Variants in HSH2D observed in about 807,000 individuals in gnomAD.
The protein encoded by HSH2D is hematopoietic SH2 domain containing.
In HSH2D, 16 loss-of-function variants were observed where a neutral mutation model predicts 21.5. The observed-to-expected ratio is 0.74, with a 90% CI of 0.50 to 1.13. The LOEUF (loss-of-function observed/expected upper bound fraction) is 1.13, where lower values mean the gene tolerates loss of function less well. Among genes scored for constraint, HSH2D ranks in the 50% most tolerant of loss-of-function variants. HSH2D has a pLI of 0.00. For synonymous variants in HSH2D, 172 were observed against 184.7 expected, an observed-to-expected ratio of 0.93 and a Z score of 0.56; for missense variants, 418 against 441.4, an observed-to-expected ratio of 0.95 and a Z score of 0.47.
chr19:16,153,347 T>C (rs2091190436), intron 4 of HSH2D, 139 bp downstream of exon 4: 1 of 806,522 alleles, frequency 1.2e-6, no homozygotes. Context: ...CCCACCCCAG[T>C]AGTCCCTCTG....
intron 5 of HSH2D, 94 bp downstream of exon 5, chr19:16,154,585 G>T (rs1434111875): frequency 7.2e-6 from 5 of 689,798 alleles, no homozygotes; most frequent in Non-Finnish European, 1.2e-5. Context: ...CTTCTAGAAT[G>T]AGAATGCGAT....
At chr19:16,143,187 C>T (rs2091017738), upstream of HSH2D, among the ~76,000 whole-genome samples, 1 of 152,110 alleles carries the variant, frequency 6.6e-6, no homozygotes, top group Non-Finnish European at 1.5e-5. Context: ...CGGGTTCAAG[C>T]AATTCTTGTG....
At chr19:16,144,315 CA>C (rs999006456) in intron 1 of HSH2D, among the ~76,000 whole-genome samples, 16 of 151,518 alleles carry the variant, frequency 1.1e-4, no homozygotes, top group African/African-American at 3.6e-4. Flanking sequence ...GAGAGAGGAA[CA>C]GGGGGGAACG....
chr19:16,144,982 G>A (rs896096224), intron 1 of HSH2D, among the ~76,000 whole-genome samples: 5 of 150,070 alleles, frequency 3.3e-5, no homozygotes, highest in Non-Finnish European at 1.5e-5. Context: ...ATGAGCCACC[G>A]CACCTGTCCC....
chr19:16,154,021 C>T (rs994303426), intron 4 of HSH2D, among the ~76,000 whole-genome samples: 7 of 148,420 alleles, frequency 4.7e-5, no homozygotes, highest in Admixed American at 4.7e-4. Context: ...CCTTAGAAGG[C>T]TCAGTGGGTG....
Position 16,148,713 on chromosome 19 carries a change from T to C in HSH2D, c.-27-11T>C, listed in dbSNP as rs2091104594. 3.7e-6 allele frequency: 6 copies of C among 1,613,320 alleles called. No individual in the cohort carries two copies. The highest frequency in any genetic ancestry group is 5.1e-6 in the Non-Finnish European group (6 of 1,179,558). On this transcript the variant is annotated splice_polypyrimidine_tract_variant and intron_variant, in intron 1 of 5. Coordinates refer to ENST00000613986, the MANE Select transcript of HSH2D (RefSeq NM_001382417.1). ...AGCTTGATTCTTGTCTTCCCTCCCT[T>C]CTCTACCCAGGTGACCTTCCCTCCA...
intron 1 of HSH2D, among the ~76,000 whole-genome samples, chr19:16,134,503 ATTCT>A (rs1163863699): frequency 6.6e-6 from 1 of 152,174 alleles, no homozygotes; most frequent in African/African-American, 2.4e-5. Context: ...AGATCTATTC[ATTCT>A]TTTCTGCACA....
At chr19:16,147,622 C>T (rs573525118) in intron 1 of HSH2D, among the ~76,000 whole-genome samples, 1 of 151,366 alleles carries the variant, frequency 6.6e-6, no homozygotes, top group Non-Finnish European at 1.5e-5. Context: ...AAATCACAAG[C>T]CAGTGGTTTT....
intron 1 of HSH2D, among the ~76,000 whole-genome samples, chr19:16,134,625 C>T (rs547490131): frequency 1.3e-5 from 2 of 152,212 alleles, no homozygotes; most frequent in South Asian, 2.1e-4. Flanking sequence ...TCATCGGCAC[C>T]GTAAGCATAA....
intron 3 of HSH2D, 48 bp from the exon 4 acceptor site, chr19:16,152,995 A>G: frequency 6.3e-7 from 1 of 1,582,342 alleles, no homozygotes; most frequent in Non-Finnish European, 8.6e-7. Flanking sequence ...GACTTGGGGC[A>G]GGGATGAGGG....
chr19:16,157,865 T>A lies in HSH2D; in HGVS notation c.*71T>A. 1 of 1,145,458 alleles carries A rather than the reference T, an allele frequency of 8.7e-7. No individual in the cohort carries two copies. The highest frequency in any genetic ancestry group is 1.2e-6 in the Non-Finnish European group (1 of 826,934). 71.0% of individuals were successfully genotyped at this position (1,145,458 alleles called of 1,614,324 possible). The stretch of plus-strand genomic sequence containing the variant: ...ACACTCCTGAATGCCTTAACATTTC[T>A]TCCATGGCCCCACACCATGGCATCC... On this transcript the variant is annotated 3_prime_UTR_variant, in exon 6 of 6. Coordinates refer to ENST00000613986, the MANE Select transcript of HSH2D (RefSeq NM_001382417.1). This position sits in a 1 kb window ranked among gnomAD's most constrained non-coding sequence, Gnocchi z 4.4.
chr19:16,142,382 G>A (rs1488065390), upstream of HSH2D, among the ~76,000 whole-genome samples: 1 of 152,192 alleles, frequency 6.6e-6, no homozygotes, highest in African/African-American at 2.4e-5. Context: ...TGCAACTGCT[G>A]TTCCCACTTC....
chr19:16,135,634 C>T (rs1292584390), intron 1 of HSH2D, among the ~76,000 whole-genome samples: 2 of 152,146 alleles, frequency 1.3e-5, no homozygotes, highest in Non-Finnish European at 2.9e-5. Context: ...GAGAAGGCCC[C>T]AGGGCCTTTG....
intron 1 of HSH2D, among the ~76,000 whole-genome samples, chr19:16,134,656 C>G (rs2090948352): frequency 6.6e-6 from 1 of 152,196 alleles, no homozygotes; most frequent in African/African-American, 2.4e-5. Flanking sequence ...ACCCTGGACT[C>G]CATCCCTGCC....
chr19:16,154,537 CA>C (rs2091213659), intron 5 of HSH2D, 46 bp downstream of exon 5: 1 of 1,271,810 alleles, frequency 7.9e-7, no homozygotes, highest in South Asian at 1.3e-5. Flanking sequence ...GGCTGAGGGG[CA>C]GGAGTGGAGG....
chr19:16,141,700 G>A (rs992336550), upstream of HSH2D, among the ~76,000 whole-genome samples: 1 of 152,108 alleles, frequency 6.6e-6, no homozygotes, highest in African/African-American at 2.4e-5. Flanking sequence ...GAGGCGGGTG[G>A]ATCACCTGAG....
intron 1 of HSH2D, among the ~76,000 whole-genome samples, chr19:16,134,645 G>C (rs900633642): frequency 2.6e-5 from 4 of 152,032 alleles, no homozygotes; most frequent in African/African-American, 9.7e-5. Flanking sequence ...ACACAGCCCT[G>C]ACCCTGGACT....
chr19:16,147,634 T>TGTTTTG (rs1555717037), intron 1 of HSH2D, among the ~76,000 whole-genome samples: 21 of 150,304 alleles, frequency 1.4e-4, no homozygotes, highest in African/African-American at 4.7e-4. Flanking sequence ...AGTGGTTTTT[T>TGTTTTG]TTTTGTTTTG....
At chr19:16,151,531 A>T (rs1158259768) in intron 2 of HSH2D, 1 of 456,044 alleles carries the variant, frequency 2.2e-6, no homozygotes, top group African/African-American at 2.0e-5. Flanking sequence ...CACACAGCTG[A>T]TGGACAGTAG....
Sources: gnomAD v4.1 joint callset for allele counts (sites outside exome capture counted in the v4.1 genomes callset) on GRCh38, gnomAD v4.1.1 for gene constraint, Gnocchi (gnomAD v3.1) non-coding constraint, MANE v1.5 for transcripts, NCBI Gene and HGNC (gene_info 2026-07-23, HGNC 2026-07-21) for gene names.